The following CADPS variants were observed in gnomAD, a reference collection of about 807,000 sequenced individuals.
The protein encoded by CADPS is calcium-dependent secretion activator 1.
A neutral mutation model predicts 167.3 loss-of-function variants in CADPS; 57 were observed. The observed-to-expected ratio is 0.34, with a 90% CI of 0.28 to 0.42. The LOEUF (loss-of-function observed/expected upper bound fraction) is 0.42. Ranked by LOEUF, CADPS falls within the 20% of genes least tolerant of loss-of-function variation. CADPS has a pLI of 1.00. For synonymous variants in CADPS, 676 were observed against 635.3 expected, an observed-to-expected ratio of 1.06 and a Z score of -0.96; for missense variants, 1,414 against 1,738.1, an observed-to-expected ratio of 0.81 and a Z score of 3.32.
At position 62,557,409 on chromosome 3, in the gene CADPS, C is replaced by A; in HGVS notation, c.1749G>T (p.Gln583His). The A allele has an allele frequency of 6.2e-7, 1 of 1,612,456 alleles. No individual in the cohort carries two copies. The highest frequency in any genetic ancestry group is 8.5e-7 in the Non-Finnish European group (1 of 1,178,604). Residue 583 changes from glutamine (Q) to histidine (H), a missense_variant, in exon 10 of 30, where the codon CAG becomes CAT. By Grantham distance (24) the Gln-to-His change is conservative (BLOSUM62 0). Around this residue, in one of 6 missense-constraint regions of CADPS, gnomAD observed 157 missense variants for 229.4 expected, o/e 0.68. Coordinates refer to ENST00000383710, the MANE Select transcript of CADPS (RefSeq NM_003716.4). ...DGYTVDYTDPQPGLEGGRAFF... is the reference protein window; with the variant it reads ...DGYTVDYTDPHPGLEGGRAFF... ...GCCTTGAGGGTCGGTGGGTACCTGGCTGGGGGTCGGTGTAATCCACAGTGT... is the reference window on the plus strand; with the variant it reads ...GCCTTGAGGGTCGGTGGGTACCTGGATGGGGGTCGGTGTAATCCACAGTGT...
intron 13 of CADPS, among the ~76,000 whole-genome samples, chr3:62,526,346 T>C (rs1312999411): frequency 2.6e-5 from 4 of 152,172 alleles, no homozygotes; most frequent in Admixed American, 6.5e-5. Flanking sequence ...GTTGGCATTA[T>C]AGATTTGTTA....
At chr3:62,740,216 G>A (rs2079907190) in intron 3 of CADPS, among the ~76,000 whole-genome samples, 1 of 152,210 alleles carries the variant, frequency 6.6e-6, no homozygotes. Flanking sequence ...GGCTACAGGA[G>A]TAACAACTGC....
At chr3:62,545,901 C>A (rs975221855) in intron 11 of CADPS, among the ~76,000 whole-genome samples, 10 of 152,056 alleles carry the variant, frequency 6.6e-5, no homozygotes, top group Non-Finnish European at 1.5e-4. Flanking sequence ...TGTATTTTTC[C>A]ATTTCTACGT....
rs35812851 is a variant in CADPS at position 62,628,625 on chromosome 3, C to CTT, written c.1325+17095_1325+17096dup. Among the ~76,000 whole-genome samples the CTT allele has an allele frequency of 3.1e-3, 451 of 145,430 alleles. 2 individuals carry two copies. The highest frequency in any genetic ancestry group is 0.011 in the Middle Eastern group (3 of 280). ...TCTCTCTCTCCATTCAACCATGAGC[C>CTT]TTTTTTTTTTCTTTTTTCTTGAGAC... On this transcript the variant is annotated intron_variant, in intron 6 of 29. Coordinates refer to ENST00000383710, the MANE Select transcript of CADPS (RefSeq NM_003716.4).
In CADPS at chr3:62,659,492, C is replaced by T. The variant is rs959315042; in HGVS notation, c.969+2822G>A. ...GAATAATTACAATCGGGGACTTAAA[C>T]GGATGTCCTCAGGATTGTGGGCTCC... On this transcript the variant is annotated intron_variant, in intron 4 of 29. Coordinates refer to ENST00000383710, the MANE Select transcript of CADPS (RefSeq NM_003716.4). Among the ~76,000 whole-genome samples the T allele has an allele frequency of 2.6e-5, 4 of 152,162 alleles. No homozygotes were observed. In the East Asian group the frequency reaches 5.8e-4, roughly 22 times the overall value.
At chr3:62,656,013 G>A (rs755713485) in intron 4 of CADPS, among the ~76,000 whole-genome samples, 2 of 152,114 alleles carry the variant, frequency 1.3e-5, no homozygotes, top group Non-Finnish European at 2.9e-5. Flanking sequence ...CCTGAATGCT[G>A]GGTCTGCTGC....
At chr3:62,871,220 T>G (rs2082574556) in intron 1 of CADPS, among the ~76,000 whole-genome samples, 1 of 152,190 alleles carries the variant, frequency 6.6e-6, no homozygotes, top group East Asian at 1.9e-4. Flanking sequence ...TGTCTCCTTC[T>G]GTTCCTTCGG....
At chr3:62,464,342 G>C (rs1314807427) in intron 26 of CADPS, among the ~76,000 whole-genome samples, 3 of 152,198 alleles carry the variant, frequency 2.0e-5, no homozygotes, top group African/African-American at 7.2e-5. Context: ...TTGGCATTCA[G>C]TCACTATCTG....
At chr3:62,552,860 C>T (rs115432513) in intron 10 of CADPS, among the ~76,000 whole-genome samples, 2,008 of 152,186 alleles carry the variant, frequency 0.013, 33 homozygotes, top group African/African-American at 0.046. Context: ...GACTATTTTG[C>T]TTAATTTCAT....
intron 6 of CADPS, among the ~76,000 whole-genome samples, chr3:62,608,428 A>T (rs2061004503): frequency 6.6e-6 from 1 of 151,826 alleles, no homozygotes; most frequent in Non-Finnish European, 1.5e-5. Context: ...GACCACAGGC[A>T]TGTGCCACCA....
intron 4 of CADPS, among the ~76,000 whole-genome samples, chr3:62,661,099 C>T (rs957409897): frequency 1.3e-5 from 2 of 152,134 alleles, no homozygotes; most frequent in Non-Finnish European, 2.9e-5. Context: ...ATATGACTGG[C>T]ATGACTACTA....
intron 1 of CADPS, among the ~76,000 whole-genome samples, chr3:62,791,920 T>C (rs1271227733): frequency 3.9e-5 from 6 of 152,210 alleles, no homozygotes; most frequent in African/African-American, 9.6e-5. Flanking sequence ...ATGTACCCAA[T>C]AAATTGTCAT....
intron 21 of CADPS, among the ~76,000 whole-genome samples, chr3:62,486,473 G>A (rs2062838302): frequency 6.8e-6 from 1 of 146,866 alleles, no homozygotes; most frequent in East Asian, 2.1e-4. Context: ...AAAAGATATT[G>A]ATATCTATGA....
chr3:62,463,608 T>C (rs2059624177), intron 26 of CADPS, among the ~76,000 whole-genome samples: 1 of 152,178 alleles, frequency 6.6e-6, no homozygotes, highest in African/African-American at 2.4e-5. Flanking sequence ...AGCCATTCAG[T>C]GGTGGGGGAA....
chr3:62,575,735 T>C (rs986747534), intron 8 of CADPS, among the ~76,000 whole-genome samples: 1 of 152,210 alleles, frequency 6.6e-6, no homozygotes, highest in East Asian at 1.9e-4. Context: ...TGACAAACTT[T>C]GGTTTCTTTT....
intron 26 of CADPS, among the ~76,000 whole-genome samples, chr3:62,456,106 CTAT>C (rs538334709): frequency 1.9e-3 from 292 of 152,136 alleles, no homozygotes; most frequent in African/African-American, 6.7e-3. Context: ...GGTCTGAGTT[CTAT>C]TAAACTAGCT....
rs1512010 is a variant in CADPS, at chr3:62,601,353, G to C, written c.1326-8605C>G. Among the ~76,000 whole-genome samples, 1 of 152,170 alleles carries C rather than the reference G, an allele frequency of 6.6e-6. No individual in the cohort carries two copies. The highest frequency in any genetic ancestry group is 2.4e-5 in the African/African-American group (1 of 41,468). On this transcript the variant is annotated intron_variant, in intron 6 of 29. Coordinates refer to ENST00000383710, the MANE Select transcript of CADPS (RefSeq NM_003716.4). The surrounding 1 kb of genome is among the most constrained non-coding windows in gnomAD (Gnocchi z 4.3). ...TTGAGTAGTTATGACAGAGAATATA[G>C]GGCCAACAAACCGAAAATTTTTACT...
chr3:62,400,130 G>A (rs1165055434), intron 29 of CADPS, among the ~76,000 whole-genome samples: 2 of 152,212 alleles, frequency 1.3e-5, no homozygotes, highest in Non-Finnish European at 2.9e-5. Context: ...GCAATTATGA[G>A]AAAGATGGAG....
intron 6 of CADPS, among the ~76,000 whole-genome samples, chr3:62,600,592 T>C (rs1292245737): frequency 6.6e-6 from 1 of 152,190 alleles, no homozygotes; most frequent in Non-Finnish European, 1.5e-5. Context: ...TGCTTAGGGA[T>C]TCTATCTCCA....
Sources: allele counts gnomAD v4.1 joint callset (sites outside exome capture counted in the v4.1 genomes callset), GRCh38; gene constraint gnomAD v4.1.1; regional missense constraint gnomAD v4.1.1; non-coding constraint Gnocchi (gnomAD v3.1); transcripts MANE v1.5; gene names NCBI Gene and HGNC (gene_info 2026-07-23, HGNC 2026-07-21).